Variants in FAM234B observed in about 807,000 individuals in gnomAD.
FAM234B encodes the protein family with sequence similarity 234 member B.
A neutral mutation model predicts 69.3 loss-of-function variants in FAM234B; 33 were observed. The observed-to-expected ratio is 0.48, with a 90% CI of 0.36 to 0.64. The LOEUF (loss-of-function observed/expected upper bound fraction) is 0.64. Among genes scored for constraint, FAM234B ranks in the 30% least tolerant of loss-of-function variants. The probability of loss-of-function intolerance (pLI) is 0.00; values close to 1 mark genes in which losing one functional copy is unlikely to be tolerated. For missense variants in FAM234B, 697 were observed against 769.7 expected (o/e 0.91, Z 1.12); for synonymous variants, 306 against 306.9 (o/e 1.00, Z 0.03).
At chr12:13,080,069 A>G (rs894476302) in intron 12 of FAM234B, 60 bp downstream of exon 12, 2 of 1,281,130 alleles carry the variant, frequency 1.6e-6, no homozygotes, top group Non-Finnish European at 2.1e-6. Context: ...TACCAATTCC[A>G]GCTTTGTCTT....
At chr12:13,080,407 C>A (rs997537321) in intron 12 of FAM234B, among the ~76,000 whole-genome samples, 3 of 152,070 alleles carry the variant, frequency 2.0e-5, no homozygotes, top group South Asian at 2.1e-4. Flanking sequence ...CATCCCCACT[C>A]CCAAGAAATA....
At position 13,068,463 on chromosome 12, in the gene FAM234B, C is replaced by T. The variant is rs1487774092; in HGVS notation, c.1286+16C>T. ...GCCTGCGCAGGTTTGCATTGTGTTC[C>T]TTCTTGTGTTTGCTGTTTTGATCCA... On this transcript the variant is annotated intron_variant, in intron 8 of 12. Transcript: ENST00000197268. 1 of 1,612,052 alleles carries T rather than the reference C, an allele frequency of 6.2e-7. No homozygotes were observed. Among genetic ancestry groups the T allele is most frequent in the African/African-American group, 1.3e-5 (1 of 74,844 alleles).
chr12:13,074,729 C>T (rs1865142528), intron 10 of FAM234B, among the ~76,000 whole-genome samples: 1 of 152,114 alleles, frequency 6.6e-6, no homozygotes, highest in Non-Finnish European at 1.5e-5. Context: ...GGAGATCTGT[C>T]CTTTCATACC....
At chr12:13,061,872 A>G in intron 4 of FAM234B, 109 bp downstream of exon 4, 1 of 853,094 alleles carries the variant, frequency 1.2e-6, no homozygotes, top group South Asian at 1.7e-5. Context: ...GGAGTATCTG[A>G]TTTACTGATC....
At chr12:13,063,287 G>T (rs1296440486) in intron 5 of FAM234B, among the ~76,000 whole-genome samples, 13 of 151,996 alleles carry the variant, frequency 8.6e-5, no homozygotes, top group Admixed American at 7.9e-4. Context: ...TCCAAGCTCT[G>T]GTTTCTTCAT....
rs757486468 is a variant in FAM234B, at chr12:13,062,911, T to G, written c.788T>G (p.Val263Gly). The change falls in exon 5 of 13, where the codon GTA (valine) becomes GGA (glycine). Residue 263 changes from valine to glycine, a missense_variant. Around this residue, in one of 3 missense-constraint regions of FAM234B, gnomAD observed 380 missense variants for 447.1 expected, o/e 0.85. Transcript: ENST00000197268. ...GGTACCTTGGCTGCCCCAGTTGTGG[T>G]ACTGCCAGACTTGGATGAAGACGGT... ...SNGTLAAPVV[V>G]LPDLDEDGVR... 2 of 1,614,092 alleles carry G rather than the reference T, an allele frequency of 1.2e-6. No individual in the cohort carries two copies. Among genetic ancestry groups the G allele is most frequent in the Non-Finnish European group, 1.7e-6 (2 of 1,179,918 alleles).
chr12:13,066,925 TC>T, intron 6 of FAM234B, 138 bp downstream of exon 6: 1 of 1,018,554 alleles, frequency 9.8e-7, no homozygotes. Flanking sequence ...CCTCTTACTG[TC>T]CCCCACCGAT....
intron 11 of FAM234B, among the ~76,000 whole-genome samples, chr12:13,077,849 T>G (rs1191410238): frequency 6.6e-6 from 1 of 152,232 alleles, no homozygotes; most frequent in African/African-American, 2.4e-5. Flanking sequence ...ATCGCCACAC[T>G]GACTTCCACA....
At chr12:13,057,304 A>AT (rs1192827283) in intron 2 of FAM234B, among the ~76,000 whole-genome samples, 1 of 152,000 alleles carries the variant, frequency 6.6e-6, no homozygotes, top group Non-Finnish European at 1.5e-5. Context: ...GTGCCACTTA[A>AT]TTTTTTGAAA....
chr12:13,068,972 G>C (rs956571978), intron 9 of FAM234B, among the ~76,000 whole-genome samples: 1 of 151,934 alleles, frequency 6.6e-6, no homozygotes, highest in African/African-American at 2.4e-5. Flanking sequence ...TTAGGCATTG[G>C]GGGCCTTCTG....
chr12:13,046,654 T>C (rs1009610124), intron 1 of FAM234B, among the ~76,000 whole-genome samples: 2 of 152,148 alleles, frequency 1.3e-5, no homozygotes, highest in Admixed American at 1.3e-4. Context: ...GAGACAGGGT[T>C]TCTCCATGTT....
At chr12:13,054,403 G>A (rs1336453958) in intron 1 of FAM234B, among the ~76,000 whole-genome samples, 1 of 152,126 alleles carries the variant, frequency 6.6e-6, no homozygotes, top group Admixed American at 6.5e-5. Flanking sequence ...TGGGGTCCTT[G>A]CCTTCCCGCA....
At chr12:13,051,392 T>G (rs903789234) in intron 1 of FAM234B, among the ~76,000 whole-genome samples, 2 of 152,222 alleles carry the variant, frequency 1.3e-5, no homozygotes, top group African/African-American at 4.8e-5. Context: ...GGAGACTGAC[T>G]AGCAAGATTG....
At chr12:13,064,765 G>A (rs978673221) in intron 5 of FAM234B, among the ~76,000 whole-genome samples, 1 of 152,108 alleles carries the variant, frequency 6.6e-6, no homozygotes, top group African/African-American at 2.4e-5. Context: ...TGACCTCTCT[G>A]CCAGCAACAA....
chr12:13,065,947 C>T (rs1865031143), intron 5 of FAM234B, among the ~76,000 whole-genome samples: 2 of 152,106 alleles, frequency 1.3e-5, no homozygotes, highest in South Asian at 4.1e-4. Context: ...TGACTCTACC[C>T]CAAAAGAAAT....
In FAM234B at chr12:13,067,923, T is replaced by C; in HGVS notation, c.1143-381T>C. Among the ~76,000 whole-genome samples the C allele has an allele frequency of 6.6e-6, 1 of 152,196 alleles. No individual in the cohort carries two copies. The highest frequency in any genetic ancestry group is 1.9e-4 in the East Asian group (1 of 5,196). On this transcript the variant is annotated intron_variant, in intron 7 of 12. Transcript: ENST00000197268. The surrounding 1 kb of genome is among the most constrained non-coding windows in gnomAD (Gnocchi z 4.7). ...TGGCACTGAGCAAGAACTAATTCAGTGAAATGTATGCCATGGGCTGCTGCC... is the reference window on the plus strand; with the variant it reads ...TGGCACTGAGCAAGAACTAATTCAGCGAAATGTATGCCATGGGCTGCTGCC...
intron 10 of FAM234B, 87 bp from the exon 11 acceptor site, chr12:13,075,939 T>A: frequency 1.1e-6 from 1 of 952,066 alleles, no homozygotes; most frequent in East Asian, 2.4e-5. Context: ...GTAATCACCA[T>A]TTTCTACTCT....
chr12:13,067,065 G>A lies in FAM234B; in HGVS notation c.1001-90G>A. The A allele has an allele frequency of 4.7e-6, 7 of 1,487,402 alleles. No individual in the cohort carries two copies. The highest frequency in any genetic ancestry group is 6.5e-6 in the Non-Finnish European group (7 of 1,077,420). The allele number at this position is 1,487,402 out of a possible 1,614,324, so 92.1% of individuals were successfully genotyped here. A position where few individuals can be genotyped will look rare whatever the true frequency, so the allele number is the denominator to read the frequency against. ...TGGGCGGGCTCTGTTAGACCCATCT[G>A]GTCAGGCTCTGTGTCTCTTGCTCAG... On this transcript the variant is annotated intron_variant, in intron 6 of 12. Coordinates refer to ENST00000197268, the MANE Select transcript of FAM234B (RefSeq NM_020853.2). This position sits in a 1 kb window ranked among gnomAD's most constrained non-coding sequence, Gnocchi z 4.7.
intron 10 of FAM234B, 38 bp from the exon 11 acceptor site, chr12:13,075,988 C>T (rs748296148): frequency 1.1e-4 from 153 of 1,434,592 alleles, no homozygotes; most frequent in Non-Finnish European, 1.4e-4. Flanking sequence ...GGGAATGTAG[C>T]GTTACCTTTG....
Sources: allele counts gnomAD v4.1 joint callset (sites outside exome capture counted in the v4.1 genomes callset), GRCh38; gene constraint gnomAD v4.1.1; regional missense constraint gnomAD v4.1.1; non-coding constraint Gnocchi (gnomAD v3.1); transcripts MANE v1.5; gene names NCBI Gene and HGNC (gene_info 2026-07-23, HGNC 2026-07-21).